PALLD: variants seen among roughly 807,000 people sequenced by gnomAD.
PALLD encodes palladin, cytoskeletal associated protein.
PALLD carries 61 observed loss-of-function variants against 123.5 expected under a neutral mutation model. The ratio of observed to expected loss-of-function variants is 0.49; its 90% CI spans 0.40 to 0.61. The LOEUF (loss-of-function observed/expected upper bound fraction) is 0.61. Among genes scored for constraint, PALLD ranks in the 20% least tolerant of loss-of-function variants. The pLI is 0.00. For synonymous variants in PALLD, 465 were observed against 496.4 expected, an observed-to-expected ratio of 0.94 and a Z score of 0.84; for missense variants, 1,273 against 1,377.0, an observed-to-expected ratio of 0.92 and a Z score of 1.20.
chr4:168,719,726 C>T (rs1785799774), intron 10 of PALLD, among the ~76,000 whole-genome samples: 1 of 152,144 alleles, frequency 6.6e-6, no homozygotes, highest in South Asian at 2.1e-4. Context: ...CCTCTCCCTC[C>T]TCCCGCTCTC....
chr4:168,695,417 A>G (rs1783045033), intron 8 of PALLD, among the ~76,000 whole-genome samples: 1 of 152,220 alleles, frequency 6.6e-6, no homozygotes, highest in Admixed American at 6.5e-5. Context: ...GTGCCACACC[A>G]CGCTGACAGG....
chr4:168,553,417 C>T lies in PALLD; in HGVS notation c.908+41005C>T, dbSNP rs148716205. ...ATAAGAGTCATTAATGCAAGTGCTA[C>T]AATTGAAAATTTTTTAACGTAAAAT... On this transcript the variant is annotated intron_variant, in intron 2 of 21. Coordinates refer to ENST00000505667, the MANE Select transcript of PALLD (RefSeq NM_001166108.2). Among the ~76,000 whole-genome samples the T allele has an allele frequency of 2.6e-3, 391 of 152,274 alleles. 5 individuals carry two copies. The highest frequency in any genetic ancestry group is 5.3e-3 in the African/African-American group (221 of 41,552).
chr4:168,728,677 T>G (rs1461119591), intron 10 of PALLD, among the ~76,000 whole-genome samples: 1 of 152,222 alleles, frequency 6.6e-6, no homozygotes, highest in East Asian at 1.9e-4. Flanking sequence ...CCTTTTTTCC[T>G]TTTGGATGCC....
intron 10 of PALLD, among the ~76,000 whole-genome samples, chr4:168,725,217 CTCT>C (rs1209530627): frequency 6.6e-6 from 1 of 152,178 alleles, no homozygotes; most frequent in African/African-American, 2.4e-5. Flanking sequence ...TAGCCATCGA[CTCT>C]TCTTTTCGCT....
At position 168,891,234 on chromosome 4, in the gene PALLD, C is replaced by A. The variant is rs570667301; in HGVS notation, c.2100+177C>A. ...CTGGAGTGCAATGGTGTCATCACAG[C>A]TCACTGCATCCTTGACCTCCCAGGC... On this transcript the variant is annotated intron_variant, in intron 11 of 21. Coordinates refer to ENST00000505667, the MANE Select transcript of PALLD (RefSeq NM_001166108.2). Among the ~76,000 whole-genome samples, 9 of 152,308 alleles carry A rather than the reference C, an allele frequency of 5.9e-5. No individual in the cohort carries two copies. In the South Asian group the frequency reaches 1.9e-3, roughly 32 times the overall value.
chr4:168,529,035 A>G (rs552078773), intron 2 of PALLD, among the ~76,000 whole-genome samples: 1 of 152,270 alleles, frequency 6.6e-6, no homozygotes, highest in Admixed American at 6.5e-5. Context: ...TAACATAAGA[A>G]CTAGGTGTGC....
Position 168,551,353 on chromosome 4 carries a change from G to C in PALLD, c.908+38941G>C, listed in dbSNP as rs553995817. Among the ~76,000 whole-genome samples, 78 of 152,280 alleles carry C rather than the reference G, an allele frequency of 5.1e-4. 1 individual carries two copies. Among genetic ancestry groups the C allele is most frequent in the African/African-American group, 1.9e-3 (77 of 41,560 alleles). ...TAGCCACATTTTATAACTTGCTTAA[G>C]AACTGGCAATGACAGTTTATCAGGA... On this transcript the variant is annotated intron_variant, in intron 2 of 21. Transcript: ENST00000505667.
At chr4:168,699,201 C>T (rs1225832946) in intron 8 of PALLD, among the ~76,000 whole-genome samples, 1 of 152,098 alleles carries the variant, frequency 6.6e-6, no homozygotes, top group Non-Finnish European at 1.5e-5. Context: ...GCCTTAGCCT[C>T]CCAAGTAGCT....
chr4:168,620,235 TC>T (rs1774625859), intron 2 of PALLD, among the ~76,000 whole-genome samples: 1 of 152,206 alleles, frequency 6.6e-6, no homozygotes, highest in African/African-American at 2.4e-5. Flanking sequence ...GGCAGGTGGA[TC>T]ACGAGGTCAG....
chr4:168,834,922 CTG>C (rs905218138), intron 10 of PALLD, among the ~76,000 whole-genome samples: 1 of 152,166 alleles, frequency 6.6e-6, no homozygotes, highest in Non-Finnish European at 1.5e-5. Flanking sequence ...ACCTTTGACT[CTG>C]TTATATTTGA....
At chr4:168,700,376 A>G (rs1398759303) in intron 8 of PALLD, 1 of 153,172 alleles carries the variant, frequency 6.5e-6, no homozygotes, top group African/African-American at 2.4e-5. Flanking sequence ...ATTTTTCTAA[A>G]TGTTCCACGT....
chr4:168,679,107 G>GGGGT (rs769715404), intron 3 of PALLD, among the ~76,000 whole-genome samples: 5 of 126,898 alleles, frequency 3.9e-5, no homozygotes, highest in African/African-American at 1.5e-4. Flanking sequence ...GTTTATGGTG[G>GGGGT]GTGTGTGTGT....
intron 10 of PALLD, among the ~76,000 whole-genome samples, chr4:168,805,223 C>T (rs919013724): frequency 2.6e-5 from 4 of 151,902 alleles, no homozygotes; most frequent in Admixed American, 6.6e-5. Flanking sequence ...CTAAATTGCC[C>T]CTGCTGTGTA....
In PALLD at chr4:168,656,935, C is replaced by T. The variant is rs9996870; in HGVS notation, c.909-11255C>T. The stretch of plus-strand genomic sequence containing the variant: ...CACTAATTGGTTGGTAGTGGCTGCC[C>T]CTAGCATCACTGGAGAAGGACTCTG... On this transcript the variant is annotated intron_variant, in intron 2 of 21. Transcript: ENST00000505667. Among the ~76,000 whole-genome samples, 938 of 152,260 alleles carry T rather than the reference C, an allele frequency of 6.2e-3. 6 individuals are homozygous for T. The highest frequency in any genetic ancestry group is 0.021 in the African/African-American group (881 of 41,564).
chr4:168,668,497 C>T, intron 3 of PALLD, 129 bp downstream of exon 3: 1 of 666,748 alleles, frequency 1.5e-6, no homozygotes, highest in Non-Finnish European at 2.4e-6. Flanking sequence ...AACTTCATTT[C>T]CCTGAAAACC....
At chr4:168,925,668 G>A (rs1027800107) in intron 21 of PALLD, among the ~76,000 whole-genome samples, 32 of 151,934 alleles carry the variant, frequency 2.1e-4, no homozygotes, top group African/African-American at 6.5e-4. Flanking sequence ...TCAGCATTAT[G>A]TTATCCATTG....
At chr4:168,605,783 T>C (rs1268407219) in intron 2 of PALLD, among the ~76,000 whole-genome samples, 1 of 152,272 alleles carries the variant, frequency 6.6e-6, no homozygotes, top group Non-Finnish European at 1.5e-5. Flanking sequence ...AAAATGGTTT[T>C]CTTCTCACAA....
intron 2 of PALLD, among the ~76,000 whole-genome samples, chr4:168,623,359 T>A (rs1397610169): frequency 6.6e-6 from 1 of 152,240 alleles, no homozygotes; most frequent in Non-Finnish European, 1.5e-5. Context: ...AAATAATACT[T>A]TAATTATAAG....
At chr4:168,920,653 T>C (rs149175231) in intron 17 of PALLD, among the ~76,000 whole-genome samples, 144 of 152,302 alleles carry the variant, frequency 9.5e-4, no homozygotes, top group African/African-American at 3.3e-3. Context: ...TGATCTCTGG[T>C]CCACACAACT....
Sources: allele counts gnomAD v4.1 joint callset (sites outside exome capture counted in the v4.1 genomes callset), GRCh38; gene constraint gnomAD v4.1.1; transcripts MANE v1.5; gene names NCBI Gene and HGNC (gene_info 2026-07-23, HGNC 2026-07-21).